Variants in SEMA3D observed in about 807,000 individuals in gnomAD.
The protein encoded by SEMA3D is semaphorin 3D, also known as semaphorin-3D.
Under a neutral mutation model 100.1 loss-of-function variants are expected in SEMA3D, and 84 were observed. That is an observed-to-expected ratio of 0.84 (90% CI 0.70 to 1.01). SEMA3D has a LOEUF of 1.01. Ranked by LOEUF, SEMA3D falls within the 50% of genes least tolerant of loss-of-function variation. The probability of loss-of-function intolerance (pLI) is 0.00; values close to 1 mark genes in which losing one functional copy is unlikely to be tolerated. For missense variants in SEMA3D, 875 were observed against 934.1 expected (o/e 0.94, Z 0.82); for synonymous variants, 312 against 320.7 (o/e 0.97, Z 0.29).
intron 1 of SEMA3D, among the ~76,000 whole-genome samples, chr7:85,160,228 G>A (rs1026955363): frequency 4.0e-5 from 6 of 151,876 alleles, no homozygotes; most frequent in Admixed American, 6.6e-5. Context: ...AAGTGTGAAC[G>A]AAATTGATAT....
upstream of SEMA3D, among the ~76,000 whole-genome samples, chr7:85,191,776 G>A (rs891644129): frequency 9.9e-5 from 15 of 152,078 alleles, no homozygotes; most frequent in Non-Finnish European, 2.1e-4. Flanking sequence ...TAGCCACAGT[G>A]AAATCAGTAT....
At chr7:85,249,510 T>C in the SEMA3D span, among the ~76,000 whole-genome samples, 39 of 152,288 alleles carry the variant, frequency 2.6e-4, no homozygotes, top group African/African-American at 8.4e-4. Flanking sequence ...CATATTGACA[T>C]ACAACTCGAA....
At chr7:85,119,469 A>C (rs776122743) in intron 3 of SEMA3D, among the ~76,000 whole-genome samples, 25 of 152,180 alleles carry the variant, frequency 1.6e-4, no homozygotes, top group Non-Finnish European at 3.4e-4. Flanking sequence ...TTGCAGGGAC[A>C]TGGATAGAAC....
chr7:85,113,310 A>T (rs1789143417), intron 3 of SEMA3D, among the ~76,000 whole-genome samples: 1 of 152,184 alleles, frequency 6.6e-6, no homozygotes, highest in South Asian at 2.1e-4. Context: ...AGTCATAAAT[A>T]TGCGAGAATT....
intron 2 of SEMA3D, chr7:85,141,809 C>A (rs1279024005): frequency 3.9e-6 from 3 of 763,368 alleles, no homozygotes; most frequent in East Asian, 2.6e-4. Context: ...TCAGTGTAAC[C>A]CCTACTAATA....
the SEMA3D span, among the ~76,000 whole-genome samples, chr7:85,234,673 A>T: frequency 6.6e-6 from 1 of 152,236 alleles, no homozygotes. Context: ...AGAGAAAAAG[A>T]TATCCAGTGT....
At chr7:85,083,243 G>A (rs1018885012) in intron 4 of SEMA3D, among the ~76,000 whole-genome samples, 8 of 152,124 alleles carry the variant, frequency 5.3e-5, no homozygotes, top group Non-Finnish European at 7.3e-5. Flanking sequence ...TAAGAAACAG[G>A]TTATTTACCA....
intron 3 of SEMA3D, among the ~76,000 whole-genome samples, chr7:85,106,400 G>A (rs1397188846): frequency 6.6e-6 from 1 of 151,952 alleles, no homozygotes; most frequent in Non-Finnish European, 1.5e-5. Context: ...CCAAGTAATA[G>A]ACAAATACGA....
At chr7:85,036,742 A>G (rs1048180324) in intron 12 of SEMA3D, 147 bp downstream of exon 12, 7 of 602,412 alleles carry the variant, frequency 1.2e-5, no homozygotes, top group East Asian at 3.0e-5. Context: ...TTAAATTTCA[A>G]TGAAGGATGA....
At chr7:85,244,903 G>C in the SEMA3D span, among the ~76,000 whole-genome samples, 1 of 151,856 alleles carries the variant, frequency 6.6e-6, no homozygotes, top group Non-Finnish European at 1.5e-5. Context: ...GTGGAGACTG[G>C]GATTCACCAC....
intron 10 of SEMA3D, chr7:85,041,889 A>T (rs1053389316): frequency 5.8e-6 from 2 of 343,710 alleles, no homozygotes. Context: ...GAATGGATGA[A>T]CTGTGTAGTT....
At chr7:85,176,263 A>G (rs1224612446) in intron 1 of SEMA3D, among the ~76,000 whole-genome samples, 1 of 152,186 alleles carries the variant, frequency 6.6e-6, no homozygotes, top group East Asian at 1.9e-4. Context: ...AACAGAAATT[A>G]AAACCCAAAA....
chr7:85,064,449 T>A (rs953788660), intron 8 of SEMA3D, among the ~76,000 whole-genome samples: 1 of 152,218 alleles, frequency 6.6e-6, no homozygotes, highest in African/African-American at 2.4e-5. Flanking sequence ...CTGATGAGAA[T>A]CACATTGTTG....
intron 12 of SEMA3D, among the ~76,000 whole-genome samples, chr7:85,025,012 T>G (rs1790354275): frequency 6.6e-6 from 1 of 152,002 alleles, no homozygotes; most frequent in African/African-American, 2.4e-5. Context: ...TATTCAGTTA[T>G]TTTCCTTTAA....
chr7:85,196,906 T>G, the SEMA3D span, among the ~76,000 whole-genome samples: 3,257 of 152,218 alleles, frequency 0.021, 57 homozygotes, highest in Non-Finnish European at 0.035. Flanking sequence ...GTAAAACCAC[T>G]TTGGAAAACC....
chr7:85,123,062 A>G (rs1355362496), intron 2 of SEMA3D, among the ~76,000 whole-genome samples: 1 of 152,176 alleles, frequency 6.6e-6, no homozygotes, highest in Non-Finnish European at 1.5e-5. Context: ...TATTTATCTC[A>G]CTTCACCGAT....
At chr7:85,147,751 T>C (rs898984214) in intron 2 of SEMA3D, among the ~76,000 whole-genome samples, 11 of 152,178 alleles carry the variant, frequency 7.2e-5, no homozygotes, top group Non-Finnish European at 1.2e-4. Flanking sequence ...TATCTGCTAA[T>C]TTATTGTTTT....
intron 1 of SEMA3D, among the ~76,000 whole-genome samples, chr7:85,164,600 T>C (rs1790842871): frequency 6.6e-6 from 1 of 152,132 alleles, no homozygotes; most frequent in Non-Finnish European, 1.5e-5. Context: ...AATTACTTCA[T>C]CTGGTGCTGA....
Position 85,038,563 on chromosome 7 carries a change from A to T in SEMA3D, c.1047-1530T>A, listed in dbSNP as rs183578388. On this transcript the variant is annotated intron_variant, in intron 11 of 18. Transcript: ENST00000284136. ...AGGAAGAACAAAGAGCTAACTTGTA[A>T]CTTCACACTCTGGGTGGGCAGAAAC... 1.6e-4 allele frequency among the ~76,000 whole-genome samples: 24 copies of T among 152,326 alleles called. No individual in the cohort carries two copies. In the East Asian group the frequency reaches 3.5e-3, roughly 22 times the overall value.
Sources: gnomAD v4.1 joint callset for allele counts (sites outside exome capture counted in the v4.1 genomes callset) on GRCh38, gnomAD v4.1.1 for gene constraint, MANE v1.5 for transcripts, NCBI Gene and HGNC (gene_info 2026-07-23, HGNC 2026-07-21) for gene names.